The following SHISA9 variants were observed in gnomAD, a reference collection of about 807,000 sequenced individuals.
SHISA9 encodes the protein shisa family member 9.
Under a neutral mutation model 38.0 loss-of-function variants are expected in SHISA9, and 13 were observed. The observed-to-expected ratio is 0.34, with a 90% CI of 0.22 to 0.54. SHISA9 has a LOEUF of 0.54. SHISA9 is among the 20% of genes least tolerant of loss of function. SHISA9 has a pLI of 0.91. For missense variants in SHISA9, 538 were observed against 575.8 expected (o/e 0.93, Z 0.67); for synonymous variants, 275 against 242.0 (o/e 1.14, Z -1.27).
chr16:13,554,516 C>CT, the SHISA9 span, among the ~76,000 whole-genome samples: 1,175 of 132,084 alleles, frequency 8.9e-3, 11 homozygotes, highest in African/African-American at 0.022. Flanking sequence ...TCTTCTCTTT[C>CT]TTTTTTTTTT....
chr16:13,267,198 G>A, the SHISA9 span, among the ~76,000 whole-genome samples: 1 of 152,028 alleles, frequency 6.6e-6, no homozygotes, highest in Non-Finnish European at 1.5e-5. Context: ...AGAGCCTATA[G>A]AATTATTACA....
chr16:13,018,140 GTTC>G (rs1466345738), intron 2 of SHISA9, among the ~76,000 whole-genome samples: 4 of 152,160 alleles, frequency 2.6e-5, no homozygotes, highest in African/African-American at 9.7e-5. Flanking sequence ...CAGGTCAGCT[GTTC>G]TTCTCCCTCC....
intron 2 of SHISA9, among the ~76,000 whole-genome samples, chr16:13,052,470 C>T (rs377253887): frequency 6.4e-4 from 97 of 152,288 alleles, no homozygotes; most frequent in African/African-American, 1.8e-3. Flanking sequence ...AGATTCCTCC[C>T]TTGTCCCACT....
At chr16:13,361,523 T>C in the SHISA9 span, among the ~76,000 whole-genome samples, 1 of 152,232 alleles carries the variant, frequency 6.6e-6, no homozygotes, top group African/African-American at 2.4e-5. Context: ...TGATGCCTTT[T>C]ATAAAATGGT....
chr16:12,934,022 T>A (rs1356268738), intron 2 of SHISA9, among the ~76,000 whole-genome samples: 2 of 150,710 alleles, frequency 1.3e-5, no homozygotes, highest in Non-Finnish European at 3.0e-5. Context: ...TAGTGAAGAG[T>A]GGGGGGAAAG....
intron 2 of SHISA9, among the ~76,000 whole-genome samples, chr16:13,066,433 A>G (rs1284049289): frequency 1.3e-5 from 2 of 152,174 alleles, no homozygotes; most frequent in African/African-American, 2.4e-5. Context: ...TCTCTTCTCT[A>G]TAGAATATAA....
chr16:13,069,237 A>G (rs541552942), intron 2 of SHISA9, among the ~76,000 whole-genome samples: 70 of 152,010 alleles, frequency 4.6e-4, no homozygotes, highest in African/African-American at 1.5e-3. Context: ...GCATGTATAT[A>G]TGTGTATGTG....
chr16:13,507,090 C>G, the SHISA9 span, among the ~76,000 whole-genome samples: 35 of 152,018 alleles, frequency 2.3e-4, no homozygotes, highest in African/African-American at 8.4e-4. Flanking sequence ...TATATAAAAT[C>G]TGGTTTGATG....
intron 2 of SHISA9, among the ~76,000 whole-genome samples, chr16:13,181,400 G>C (rs573347252): frequency 6.7e-6 from 1 of 149,800 alleles, no homozygotes; most frequent in South Asian, 2.1e-4. Context: ...CTAAGCAAAG[G>C]GAAGAATGTG....
At chr16:13,253,942 G>C in the SHISA9 span, among the ~76,000 whole-genome samples, 1 of 151,760 alleles carries the variant, frequency 6.6e-6, no homozygotes, top group Admixed American at 6.6e-5. Context: ...TCCACTTCCT[G>C]TTTTCTTCAG....
chr16:13,275,316 A>G, the SHISA9 span, among the ~76,000 whole-genome samples: 1 of 152,190 alleles, frequency 6.6e-6, no homozygotes, highest in Non-Finnish European at 1.5e-5. Context: ...AAAGTTCAAC[A>G]CTATATTCTA....
At chr16:12,920,441 G>T (rs1374687916) in intron 2 of SHISA9, among the ~76,000 whole-genome samples, 1 of 152,168 alleles carries the variant, frequency 6.6e-6, no homozygotes, top group Non-Finnish European at 1.5e-5. Context: ...GCACAACAGG[G>T]TGACTATAGT....
chr16:12,997,065 A>C lies in SHISA9; in HGVS notation c.691+80250A>C, dbSNP rs147581478. On this transcript the variant is annotated intron_variant, in intron 2 of 4. Coordinates refer to ENST00000558583, the MANE Select transcript of SHISA9 (RefSeq NM_001145204.3). ...TTTTGAAACATGCATATAGCCCTGC[A>C]ACCAACTCCTCTATCAAGAGGAAGA... 2.6e-5 allele frequency among the ~76,000 whole-genome samples: 4 copies of C among 152,264 alleles called. No homozygotes were observed. In the East Asian group the frequency reaches 7.7e-4, roughly 29 times the overall value.
At chr16:12,905,373 T>C (rs993120301) in intron 1 of SHISA9, among the ~76,000 whole-genome samples, 2 of 152,110 alleles carry the variant, frequency 1.3e-5, no homozygotes, top group African/African-American at 2.4e-5. Context: ...AAAATGCAGA[T>C]TCTTGAGTTC....
At chr16:12,975,924 G>C (rs573568755) in intron 2 of SHISA9, among the ~76,000 whole-genome samples, 1 of 150,936 alleles carries the variant, frequency 6.6e-6, no homozygotes, top group South Asian at 2.1e-4. Flanking sequence ...GAAACTTTTA[G>C]TTAAATTTTA....
At chr16:13,021,946 C>G (rs2141866995) in intron 2 of SHISA9, among the ~76,000 whole-genome samples, 1 of 152,246 alleles carries the variant, frequency 6.6e-6, no homozygotes, top group South Asian at 2.1e-4. Context: ...TATTTTCTTA[C>G]CAATTTGGAG....
At chr16:13,314,648 T>C in the SHISA9 span, among the ~76,000 whole-genome samples, 8 of 152,274 alleles carry the variant, frequency 5.3e-5, no homozygotes, top group African/African-American at 1.9e-4. Context: ...TATGCACACA[T>C]CTGTGAACCC....
the SHISA9 span, among the ~76,000 whole-genome samples, chr16:13,312,482 G>A: frequency 6.6e-6 from 1 of 152,110 alleles, no homozygotes. Flanking sequence ...TTTACAATAT[G>A]CTAAGAGCCT....
At chr16:13,207,065 A>G (rs1338093217) in intron 3 of SHISA9, among the ~76,000 whole-genome samples, 1 of 152,248 alleles carries the variant, frequency 6.6e-6, no homozygotes, top group East Asian at 1.9e-4. Flanking sequence ...GGAGTTGAAG[A>G]CCGGCTTGGC....
Sources: gnomAD v4.1 joint callset for allele counts (sites outside exome capture counted in the v4.1 genomes callset) on GRCh38, gnomAD v4.1.1 for gene constraint, MANE v1.5 for transcripts, NCBI Gene and HGNC (gene_info 2026-07-23, HGNC 2026-07-21) for gene names.